Variants in CAMK1D observed in about 807,000 individuals in gnomAD.
The protein encoded by CAMK1D is calcium/calmodulin dependent protein kinase ID.
Under a neutral mutation model 47.7 loss-of-function variants are expected in CAMK1D, and 9 were observed. The ratio of observed to expected loss-of-function variants is 0.19; its 90% confidence interval spans 0.11 to 0.33. The LOEUF (loss-of-function observed/expected upper bound fraction) is 0.33, where lower values mean the gene tolerates loss of function less well. Among genes scored for constraint, CAMK1D ranks in the 10% least tolerant of loss-of-function variants. CAMK1D has a pLI of 1.00. For missense variants in CAMK1D, 291 were observed against 488.7 expected (o/e 0.60, Z 3.81); for synonymous variants, 184 against 184.9 (o/e 0.99, Z 0.04).
rs779443327 is a variant in CAMK1D at position 12,824,528 on chromosome 10, A to G, written c.897A>G (p.Lys299=). 39 of 1,614,030 alleles carry G rather than the reference A, an allele frequency of 2.4e-5. No homozygotes were observed. The highest frequency in any genetic ancestry group is 1.6e-4 in the Middle Eastern group (1 of 6,084). The change falls in exon 9 of 11, where the codon AAA becomes AAG. Residue 299 remains lysine, a synonymous_variant. Transcript: ENST00000619168. ...IHESVSAQIR[K]NFAKSKWRQA... is the part of the protein sequence containing the mutation. ...AGTCCGTCAGCGCCCAGATCCGGAA[A>G]AACTTTGCCAAGAGCAAATGGAGAG...
chr10:12,461,870 T>A (rs1833436277), intron 1 of CAMK1D, among the ~76,000 whole-genome samples: 1 of 151,970 alleles, frequency 6.6e-6, no homozygotes, highest in African/African-American at 2.4e-5. Context: ...GAGGAGGAAG[T>A]TTGTTGCTCA....
In CAMK1D at chr10:12,537,096, G is replaced by C. The variant is rs188852361; in HGVS notation, c.93-16129G>C. Among the ~76,000 whole-genome samples, 71 of 151,636 alleles carry C rather than the reference G, an allele frequency of 4.7e-4. No individual in the cohort carries two copies. The East Asian group carries it at 0.012, about 25-fold the overall frequency. On this transcript the variant is annotated intron_variant, in intron 1 of 10. Transcript: ENST00000619168. ...TTTCTTCTTCTTTTTTTTTGAGATG[G>C]TGTCTCCCTCTGTTGCCCAGGCTGG...
intron 1 of CAMK1D, among the ~76,000 whole-genome samples, chr10:12,353,684 C>G (rs141999810): frequency 1.2e-3 from 189 of 152,242 alleles, no homozygotes; most frequent in African/African-American, 4.4e-3. Context: ...AACCTTTCAA[C>G]CTGTGCGCTT....
At chr10:12,779,604 A>T (rs1564555360) in intron 5 of CAMK1D, among the ~76,000 whole-genome samples, 1 of 151,778 alleles carries the variant, frequency 6.6e-6, no homozygotes, top group East Asian at 1.9e-4. Context: ...TAATTTTTGA[A>T]TTTTTTTGTA....
chr10:12,595,342 GA>G (rs535214333), intron 2 of CAMK1D, among the ~76,000 whole-genome samples: 10 of 23,562 alleles, frequency 4.2e-4, no homozygotes, highest in Admixed American at 8.8e-4. Context: ...AACTCCATCT[GA>G]AAAAAAAAAA....
chr10:12,619,895 A>G (rs961454007), intron 2 of CAMK1D, among the ~76,000 whole-genome samples: 2 of 151,984 alleles, frequency 1.3e-5, no homozygotes, highest in African/African-American at 2.4e-5. Flanking sequence ...TCTCTTCCCC[A>G]TTTCTATGGT....
chr10:12,387,381 TTATA>T (rs1322395640), intron 1 of CAMK1D, among the ~76,000 whole-genome samples: 2 of 33,072 alleles, frequency 6.0e-5, no homozygotes, highest in African/African-American at 1.0e-4. Context: ...ATATTATATA[TTATA>T]TATATTATAT....
chr10:12,741,565 C>G (rs764814241), intron 3 of CAMK1D, among the ~76,000 whole-genome samples: 1 of 152,132 alleles, frequency 6.6e-6, no homozygotes, highest in Admixed American at 6.5e-5. Context: ...GTTCAGGGAA[C>G]CTTTTGGTTT....
intron 3 of CAMK1D, among the ~76,000 whole-genome samples, chr10:12,734,531 T>C (rs927829832): frequency 3.4e-5 from 5 of 147,634 alleles, no homozygotes; most frequent in African/African-American, 1.3e-4. Flanking sequence ...CGTATATATA[T>C]ACACACATAT....
At chr10:12,596,261 A>C (rs10906179) in intron 2 of CAMK1D, among the ~76,000 whole-genome samples, 108,819 of 151,830 alleles carry the variant, frequency 0.72, 39,649 homozygotes, top group East Asian at 0.9. Context: ...GCCCTCACAA[A>C]CAGAAGAGGT....
intron 1 of CAMK1D, among the ~76,000 whole-genome samples, chr10:12,437,691 A>G (rs1832676242): frequency 6.6e-6 from 1 of 152,134 alleles, no homozygotes; most frequent in Non-Finnish European, 1.5e-5. Flanking sequence ...CATAGTTTAC[A>G]TTAGGGCTCA....
intron 3 of CAMK1D, among the ~76,000 whole-genome samples, chr10:12,683,148 G>C (rs1292961967): frequency 6.7e-6 from 1 of 149,846 alleles, no homozygotes; most frequent in East Asian, 2.0e-4. Flanking sequence ...GTGCGGTGGC[G>C]TGATCTCAGC....
At chr10:12,574,516 C>T (rs1837432941) in intron 2 of CAMK1D, among the ~76,000 whole-genome samples, 1 of 132,750 alleles carries the variant, frequency 7.5e-6, no homozygotes, top group Non-Finnish European at 1.5e-5. Flanking sequence ...CGGGGCTTCG[C>T]CATGTTGCCC....
At chr10:12,734,673 A>T (rs1451440360) in intron 3 of CAMK1D, among the ~76,000 whole-genome samples, 3 of 151,672 alleles carry the variant, frequency 2.0e-5, no homozygotes, top group Non-Finnish European at 4.4e-5. Context: ...GCTTCCACCA[A>T]GTCCAGACAA....
chr10:12,352,566 G>A (rs961408903), intron 1 of CAMK1D, among the ~76,000 whole-genome samples: 3 of 151,680 alleles, frequency 2.0e-5, no homozygotes, highest in East Asian at 2.0e-4. Flanking sequence ...TTGAGATTGC[G>A]CCACTGCCCT....
chr10:12,387,351 AT>A (rs1300799873), intron 1 of CAMK1D, among the ~76,000 whole-genome samples: 2 of 120,244 alleles, frequency 1.7e-5, no homozygotes, highest in African/African-American at 6.0e-5. Flanking sequence ...TATATATTAT[AT>A]TTTATATATA....
chr10:12,819,829 T>C (rs1351118266), intron 8 of CAMK1D, among the ~76,000 whole-genome samples: 1 of 152,078 alleles, frequency 6.6e-6, no homozygotes, highest in Non-Finnish European at 1.5e-5. Context: ...GACAGTGGCC[T>C]GCGCGGGGCA....
At chr10:12,570,808 A>G (rs896299811) in intron 2 of CAMK1D, among the ~76,000 whole-genome samples, 1 of 151,356 alleles carries the variant, frequency 6.6e-6, no homozygotes, top group African/African-American at 2.4e-5. Context: ...TAAATTAGCC[A>G]GGCGTGGTAG....
At chr10:12,613,186 A>T (rs2132416555) in intron 2 of CAMK1D, among the ~76,000 whole-genome samples, 1 of 152,324 alleles carries the variant, frequency 6.6e-6, no homozygotes, top group African/African-American at 2.4e-5. Flanking sequence ...GAAACTTTTA[A>T]AAAAAGAAAG....
Sources: allele counts gnomAD v4.1 joint callset (sites outside exome capture counted in the v4.1 genomes callset), GRCh38; gene constraint gnomAD v4.1.1; transcripts MANE v1.5; gene names NCBI Gene and HGNC (gene_info 2026-07-23, HGNC 2026-07-21).